ADCY9: variants seen among roughly 807,000 people sequenced by gnomAD.
ADCY9 encodes the protein adenylate cyclase 9.
Under a neutral mutation model 101.5 loss-of-function variants are expected in ADCY9, and 50 were observed. The observed-to-expected ratio is 0.49, with a 90% CI of 0.39 to 0.62. ADCY9 has a LOEUF of 0.62. Ranked by LOEUF, ADCY9 falls within the 20% of genes least tolerant of loss-of-function variation. ADCY9 has a pLI of 0.00. For missense variants in ADCY9, 1,662 were observed against 1,800.4 expected (o/e 0.92, Z 1.39); for synonymous variants, 905 against 769.3 (o/e 1.18, Z -2.92).
chr16:3,997,454 T>C (rs780183499), intron 3 of ADCY9, among the ~76,000 whole-genome samples: 4 of 152,188 alleles, frequency 2.6e-5, no homozygotes, highest in Non-Finnish European at 4.4e-5. Context: ...GTGCTTTGCT[T>C]ACATCCCCTT....
Position 4,114,203 on chromosome 16 carries a change from C to T in ADCY9, c.1240G>A (p.Ala414Thr), listed in dbSNP as rs368028914. The change falls in exon 2 of 11, where the codon GCC becomes ACC. Residue 414 changes from alanine to threonine, a missense_variant. By Grantham distance (58) the Ala-to-Thr change is moderately conservative. This residue lies in a region of ADCY9 where 228 missense variants were observed against 301.1 expected (regional missense o/e 0.76). Transcript: ENST00000294016. This position sits in a 1 kb window ranked among gnomAD's most constrained non-coding sequence, Gnocchi z 4.3. The part of the protein sequence containing the change: ...TKMSANKSAH[A>T]LVGLLNDLFG... ...AGATCGTTCAGGAGACCCACCAGGG[C>T]GTGGGCAGACTTGTTGGCACTCATC... 3 of 1,613,818 alleles carry T rather than the reference C, an allele frequency of 1.9e-6. No homozygotes were observed. The highest frequency in any genetic ancestry group is 1.3e-5 in the African/African-American group (1 of 74,900).
chr16:4,048,835 C>T (rs886804854), intron 2 of ADCY9, among the ~76,000 whole-genome samples: 2 of 152,038 alleles, frequency 1.3e-5, no homozygotes, highest in African/African-American at 4.8e-5. Flanking sequence ...CCTCACAATC[C>T]AGAGGATCTC....
At chr16:4,015,411 A>C (rs12448453) in intron 2 of ADCY9, among the ~76,000 whole-genome samples, 1 of 151,934 alleles carries the variant, frequency 6.6e-6, no homozygotes, top group African/African-American at 2.4e-5. Flanking sequence ...CTTCACAAAG[A>C]CTGTAGAAAT....
intron 2 of ADCY9, among the ~76,000 whole-genome samples, chr16:4,070,649 C>T (rs2056828342): frequency 6.6e-6 from 1 of 151,994 alleles, no homozygotes; most frequent in South Asian, 2.1e-4. Flanking sequence ...GATCCTTTCT[C>T]TTTAAAAAGA....
At chr16:3,999,053 T>C (rs1458861997) in intron 3 of ADCY9, among the ~76,000 whole-genome samples, 1 of 152,132 alleles carries the variant, frequency 6.6e-6, no homozygotes, top group Non-Finnish European at 1.5e-5. Flanking sequence ...CTCTGTGAAA[T>C]GTTTCCCAGC....
intron 2 of ADCY9, among the ~76,000 whole-genome samples, chr16:4,023,246 C>G (rs1279164223): frequency 1.3e-5 from 2 of 152,208 alleles, no homozygotes; most frequent in Non-Finnish European, 2.9e-5. Flanking sequence ...CGTCCATCAC[C>G]TGACTCAGTG....
intron 7 of ADCY9, among the ~76,000 whole-genome samples, chr16:3,979,823 G>A (rs985407414): frequency 6.6e-6 from 1 of 152,254 alleles, no homozygotes; most frequent in Non-Finnish European, 1.5e-5. Flanking sequence ...CAAGCCCCTG[G>A]GCACCTGCAA....
intron 3 of ADCY9, among the ~76,000 whole-genome samples, chr16:3,995,604 T>TATA (rs200173203): frequency 1.4e-5 from 1 of 71,240 alleles, no homozygotes; most frequent in African/African-American, 5.6e-5. Flanking sequence ...AAGAAATATA[T>TATA]TTTTTTTTTT....
At chr16:4,058,457 T>C (rs1465116072) in intron 2 of ADCY9, among the ~76,000 whole-genome samples, 1 of 149,930 alleles carries the variant, frequency 6.7e-6, no homozygotes, top group African/African-American at 2.5e-5. Flanking sequence ...AGAGAAACTC[T>C]TGTCTCCAAG....
chr16:4,077,480 C>G (rs2056875035), intron 2 of ADCY9, among the ~76,000 whole-genome samples: 1 of 152,130 alleles, frequency 6.6e-6, no homozygotes. Flanking sequence ...CACATTACAT[C>G]ATGCCTTCTT....
chr16:4,002,134 G>A (rs2141715748), intron 3 of ADCY9, among the ~76,000 whole-genome samples: 1 of 151,996 alleles, frequency 6.6e-6, no homozygotes, highest in Admixed American at 6.6e-5. Context: ...ATAACTCCAG[G>A]GTTTATAGCA....
chr16:4,115,179 G>A lies in ADCY9; in HGVS notation c.264C>T (p.Ser88=). The A allele has an allele frequency of 6.2e-7, 1 of 1,613,756 alleles. No individual in the cohort carries two copies. The highest frequency in any genetic ancestry group is 2.2e-5 in the East Asian group (1 of 44,862). ...KLPQLFERAS[S]RWWDPKFDSV... is the part of the protein sequence containing the mutation. ...AGTCGAACTTGGGGTCCCACCAGCG[G>A]CTGGAGGCCCTCTCGAACAGCTGGG... The change falls in exon 2 of 11, where the codon AGC becomes AGT. Residue 88 remains serine, a synonymous_variant. Coordinates refer to ENST00000294016, the MANE Select transcript of ADCY9 (RefSeq NM_001116.4). This position sits in a 1 kb window ranked among gnomAD's most constrained non-coding sequence, Gnocchi z 6.2.
rs574725085 is a variant in ADCY9, at chr16:3,980,034, C to T, written c.2520-759G>A. 3.9e-3 allele frequency among the ~76,000 whole-genome samples: 592 copies of T among 152,324 alleles called. 1 individual carries two copies. Among genetic ancestry groups the T allele is most frequent in the African/African-American group, 0.013 (550 of 41,570 alleles). Reference sequence around the variant, plus strand: ...ACCACAGGCTGAACCTGGCTCGTGGCGCTTAGACCACCAAACCCGCACACG... The same window carrying T: ...ACCACAGGCTGAACCTGGCTCGTGGTGCTTAGACCACCAAACCCGCACACG... On this transcript the variant is annotated intron_variant, in intron 7 of 10. Coordinates refer to ENST00000294016, the MANE Select transcript of ADCY9 (RefSeq NM_001116.4).
At chr16:4,103,053 T>C (rs565658125) in intron 2 of ADCY9, among the ~76,000 whole-genome samples, 10 of 152,344 alleles carry the variant, frequency 6.6e-5, no homozygotes, top group African/African-American at 2.4e-4. Context: ...ACTTTGAACA[T>C]GAGCAACAAA....
intron 2 of ADCY9, among the ~76,000 whole-genome samples, chr16:4,051,907 C>T (rs977131228): frequency 2.0e-5 from 3 of 152,044 alleles, no homozygotes; most frequent in Admixed American, 2.0e-4. Context: ...TTTCCGAGTC[C>T]CCAAAAAATC....
At chr16:4,092,057 C>G (rs2056976880) in intron 2 of ADCY9, among the ~76,000 whole-genome samples, 1 of 152,194 alleles carries the variant, frequency 6.6e-6, no homozygotes, top group African/African-American at 2.4e-5. Context: ...TCATCTGAAG[C>G]CAGGAGTACA....
In ADCY9 at chr16:4,044,197, A is replaced by C. The variant is rs575827350; in HGVS notation, c.1694-36639T>G. Among the ~76,000 whole-genome samples the C allele has an allele frequency of 1.0e-3, 156 of 152,146 alleles. 1 individual carries two copies. The highest frequency in any genetic ancestry group is 3.4e-3 in the African/African-American group (140 of 41,516). ...CCCCATCTCTACTAAAAATACAAAA[A>C]TTAGCCAGGTGTGGTGGTGTGTGCC... On this transcript the variant is annotated intron_variant, in intron 2 of 10. Coordinates refer to ENST00000294016, the MANE Select transcript of ADCY9 (RefSeq NM_001116.4).
At chr16:4,052,449 A>G (rs72762796) in intron 2 of ADCY9, among the ~76,000 whole-genome samples, 23,367 of 152,164 alleles carry the variant, frequency 0.15, 2,264 homozygotes, top group Non-Finnish European at 0.21. Flanking sequence ...TATTCCGGAA[A>G]AAAGGGATGT....
rs867613371 is a variant in ADCY9, at chr16:4,005,589, C to G, written c.1884+1779G>C. The stretch of plus-strand genomic sequence containing the variant: ...ACTTTCAACAATATTTGGAAAATCT[C>G]CACATGCCAAGAAGATACGCTAAAT... On this transcript the variant is annotated intron_variant, in intron 3 of 10. Coordinates refer to ENST00000294016, the MANE Select transcript of ADCY9 (RefSeq NM_001116.4). Among the ~76,000 whole-genome samples, 13 of 152,270 alleles carry G rather than the reference C, an allele frequency of 8.5e-5. 1 individual carries two copies. In the Middle Eastern group the frequency reaches 0.014, roughly 159 times the overall value.
Sources: allele counts gnomAD v4.1 joint callset (sites outside exome capture counted in the v4.1 genomes callset), GRCh38; gene constraint gnomAD v4.1.1; regional missense constraint gnomAD v4.1.1; non-coding constraint Gnocchi (gnomAD v3.1); transcripts MANE v1.5; gene names NCBI Gene and HGNC (gene_info 2026-07-23, HGNC 2026-07-21).